MCF2L: variants seen among roughly 807,000 people sequenced by gnomAD.
MCF2L encodes the protein guanine nucleotide exchange factor DBS.
MCF2L carries 97 observed loss-of-function variants against 153.4 expected under a neutral mutation model. The ratio of observed to expected loss-of-function variants is 0.63; its 90% confidence interval spans 0.54 to 0.75. MCF2L has a LOEUF of 0.75. Ranked by LOEUF, MCF2L falls within the 30% of genes least tolerant of loss-of-function variation. MCF2L has a pLI of 0.00. For synonymous variants in MCF2L, 659 were observed against 632.2 expected, an observed-to-expected ratio of 1.04 and a Z score of -0.64; for missense variants, 1,347 against 1,495.2, an observed-to-expected ratio of 0.90 and a Z score of 1.64.
chr13:112,926,516 G>A (rs1448290878), intron 2 of MCF2L, among the ~76,000 whole-genome samples: 1 of 152,068 alleles, frequency 6.6e-6, no homozygotes. Flanking sequence ...GCACAGCGGA[G>A]TACTGTACGG....
At chr13:112,922,042 A>G (rs1203955211) in intron 2 of MCF2L, among the ~76,000 whole-genome samples, 1 of 152,220 alleles carries the variant, frequency 6.6e-6, no homozygotes, top group Non-Finnish European at 1.5e-5. Flanking sequence ...AAAGAGACAC[A>G]TGAGGCCCCA....
At position 113,031,148 on chromosome 13, in the gene MCF2L, G is replaced by GAGA. The variant is rs1402418499; in HGVS notation, c.278+6391_278+6393dup. Among the ~76,000 whole-genome samples, 8 of 150,278 alleles carry GAGA rather than the reference G, an allele frequency of 5.3e-5. No homozygotes were observed. Among genetic ancestry groups the GAGA allele is most frequent in the African/African-American group, 2.0e-4 (8 of 40,612 alleles). On this transcript the variant is annotated intron_variant, in intron 3 of 29. Transcript: ENST00000535094. This position sits in a 1 kb window ranked among gnomAD's most constrained non-coding sequence, Gnocchi z 5.5. ...TGACAGAGAGACAGACAGAGACAGA[G>GAGA]AGAGACAGAGAGAAGAGACAGAGAG...
At chr13:113,089,915 C>T (rs767522805) in intron 26 of MCF2L, 187 bp downstream of exon 26, 27 of 1,602,766 alleles carry the variant, frequency 1.7e-5, no homozygotes, top group Non-Finnish European at 2.0e-5. Context: ...CTCTCCATTG[C>T]TCTGCACCCC....
rs562830260 is a variant in MCF2L, at chr13:113,045,418, G to T, written c.369+57G>T. ...CGGCCCCTCCCTGGGCTGCATGACC[G>T]CATGGTGCCCTTCCTCTGTGTCTGC... On this transcript the variant is annotated intron_variant, in intron 4 of 29. Transcript: ENST00000535094. The surrounding 1 kb of genome is among the most constrained non-coding windows in gnomAD (Gnocchi z 4.2). The T allele has an allele frequency of 1.5e-6, 2 of 1,343,618 alleles. No homozygotes were observed. Among genetic ancestry groups the T allele is most frequent in the Non-Finnish European group, 2.1e-6 (2 of 937,212 alleles). The allele number at this position is 1,343,618 out of a possible 1,614,324, so 83.2% of individuals were successfully genotyped here.
chr13:112,995,903 T>G (rs956716206), intron 1 of MCF2L, among the ~76,000 whole-genome samples: 3 of 152,190 alleles, frequency 2.0e-5, no homozygotes, highest in Non-Finnish European at 4.4e-5. Flanking sequence ...AAGCAGCACC[T>G]GGCGGCCACC....
rs541776741 is a variant in MCF2L at position 113,041,425 on chromosome 13, C to T, written c.279-3846C>T. Among the ~76,000 whole-genome samples, 7 of 152,220 alleles carry T rather than the reference C, an allele frequency of 4.6e-5. No homozygotes were observed. In the South Asian group the frequency reaches 1.5e-3, roughly 32 times the overall value. On this transcript the variant is annotated intron_variant, in intron 3 of 29. Coordinates refer to ENST00000535094, the MANE Select transcript of MCF2L (RefSeq NM_001112732.3). ...GCGGGGAATCACGTGGCCCTGCCCT[C>T]ATGACCACAGTCAGTATGGGGGATC...
rs760988536 is a variant in MCF2L, at chr13:113,096,671, C to G, written c.3292+18C>G. On this transcript the variant is annotated intron_variant, in intron 29 of 29. Transcript: ENST00000535094. Reference sequence around the variant, plus strand: ...CAGCTCAGGTAAGGCCCACGTGCCCCGAGCCCACCCGTGACGCTGCCAAGG... The same window carrying G: ...CAGCTCAGGTAAGGCCCACGTGCCCGGAGCCCACCCGTGACGCTGCCAAGG... The G allele has an allele frequency of 3.1e-5, 49 of 1,570,372 alleles. No individual in the cohort carries two copies. The highest frequency in any genetic ancestry group is 3.9e-5 in the Non-Finnish European group (46 of 1,165,062).
At chr13:112,911,778 C>A (rs536764644) in intron 2 of MCF2L, among the ~76,000 whole-genome samples, 3 of 152,382 alleles carry the variant, frequency 2.0e-5, no homozygotes, top group East Asian at 3.9e-4. Flanking sequence ...TTCCTCTCTT[C>A]CGACTTCTTT....
chr13:112,989,468 G>A (rs2184999), intron 1 of MCF2L, among the ~76,000 whole-genome samples: 4 of 24,148 alleles, frequency 1.7e-4, no homozygotes, highest in South Asian at 2.1e-3. Context: ...AGGACATGGA[G>A]CCACCACGCC....
intron 2 of MCF2L, among the ~76,000 whole-genome samples, chr13:112,926,465 G>A (rs1016329437): frequency 4.1e-4 from 62 of 151,386 alleles, no homozygotes; most frequent in African/African-American, 1.5e-3. Flanking sequence ...GTACGGCCTG[G>A]TCTATATACA....
Position 113,060,962 on chromosome 13 carries a change from C to T in MCF2L, c.489+250C>T, listed in dbSNP as rs370220767. ...AGAGCATCAACCTCAGAGAGGCCAC[C>T]GTGTGGGCATCCCATCAGGACGCGG... On this transcript the variant is annotated intron_variant, in intron 5 of 29. Coordinates refer to ENST00000535094, the MANE Select transcript of MCF2L (RefSeq NM_001112732.3). 1.6e-4 allele frequency among the ~76,000 whole-genome samples: 25 copies of T among 151,906 alleles called. No individual in the cohort carries two copies. The South Asian group carries it at 5.2e-3, about 32-fold the overall frequency.
At chr13:112,942,153 C>T (rs2081581726) in intron 2 of MCF2L, among the ~76,000 whole-genome samples, 1 of 152,346 alleles carries the variant, frequency 6.6e-6, no homozygotes, top group Non-Finnish European at 1.5e-5. Context: ...ATCTGGAGGC[C>T]TAACCGTCTC....
At chr13:112,912,897 G>C (rs2081248252) in intron 2 of MCF2L, among the ~76,000 whole-genome samples, 2 of 145,826 alleles carry the variant, frequency 1.4e-5, no homozygotes, top group Admixed American at 6.8e-5. Context: ...GTGTGTGTCT[G>C]TGGTGTATCT....
rs1203139965 is a variant in MCF2L at position 112,993,236 on chromosome 13, G to A, written c.80-21527G>A. On this transcript the variant is annotated intron_variant, in intron 1 of 29. Coordinates refer to ENST00000535094, the MANE Select transcript of MCF2L (RefSeq NM_001112732.3). The surrounding 1 kb of genome is among the most constrained non-coding windows in gnomAD (Gnocchi z 4.6). ...GATGGCACAGCCCCGGTGAAGCCAC[G>A]TGATGTCTTCGTGTGAACATGGTGG... Among the ~76,000 whole-genome samples, 9 of 152,234 alleles carry A rather than the reference G, an allele frequency of 5.9e-5. No homozygotes were observed. The highest frequency in any genetic ancestry group is 1.4e-4 in the African/African-American group (6 of 41,466).
At position 113,079,121 on chromosome 13, in the gene MCF2L, G is replaced by A. The variant is rs548963560; in HGVS notation, c.1808+382G>A. 3.3e-5 allele frequency among the ~76,000 whole-genome samples: 5 copies of A among 152,114 alleles called. No homozygotes were observed. In the East Asian group the frequency reaches 5.8e-4, roughly 18 times the overall value. ...GCAGCAGCAGTCACCAGCTGCTCAGGGCTCAGTGTGGCAGGCAGTGGTGCC... is the reference window on the plus strand; with the variant it reads ...GCAGCAGCAGTCACCAGCTGCTCAGAGCTCAGTGTGGCAGGCAGTGGTGCC... On this transcript the variant is annotated intron_variant, in intron 15 of 29. Transcript: ENST00000535094.
rs973588279 is a variant in MCF2L at position 113,097,801 on chromosome 13, C to G, written c.*942C>G. 2.6e-5 allele frequency: 4 copies of G among 152,152 alleles called. No homozygotes were observed. Among genetic ancestry groups the G allele is most frequent in the Admixed American group, 2.0e-4 (3 of 15,282 alleles). 9.4% of individuals were successfully genotyped at this position (152,152 alleles called of 1,614,324 possible). A position where few individuals can be genotyped will look rare whatever the true frequency, so the allele number is the denominator to read the frequency against. On this transcript the variant is annotated 3_prime_UTR_variant, in exon 30 of 30. Coordinates refer to ENST00000535094, the MANE Select transcript of MCF2L (RefSeq NM_001112732.3). ...GCTGCCGACCATAGCTCAGAGAGCC[C>G]TGCCCCTGCCTCACTGCACTGCAGC...
chr13:112,972,249 G>T (rs1407510018), intron 1 of MCF2L, among the ~76,000 whole-genome samples: 1 of 151,260 alleles, frequency 6.6e-6, no homozygotes, highest in South Asian at 2.1e-4. Flanking sequence ...AGATGGGTGG[G>T]TGGGTGGATG....
chr13:113,071,262 G>A (rs1229835794), intron 9 of MCF2L, among the ~76,000 whole-genome samples: 1 of 152,248 alleles, frequency 6.6e-6, no homozygotes, highest in South Asian at 2.1e-4. Flanking sequence ...TTGTTTTACG[G>A]TTTTGTTACA....
chr13:113,019,864 G>A (rs762105600), intron 2 of MCF2L, among the ~76,000 whole-genome samples: 19 of 152,200 alleles, frequency 1.2e-4, no homozygotes, highest in African/African-American at 2.2e-4. Flanking sequence ...GGAAGCCGCC[G>A]TCACCAGACA....
Sources: allele counts gnomAD v4.1 joint callset (sites outside exome capture counted in the v4.1 genomes callset), GRCh38; gene constraint gnomAD v4.1.1; non-coding constraint Gnocchi (gnomAD v3.1); transcripts MANE v1.5; gene names NCBI Gene and HGNC (gene_info 2026-07-23, HGNC 2026-07-21).